RMDN2: variants seen among roughly 807,000 people sequenced by gnomAD.
RMDN2 encodes the protein regulator of microtubule dynamics 2.
A neutral mutation model predicts 52.8 loss-of-function variants in RMDN2; 61 were observed. That is an observed-to-expected ratio of 1.16 (90% CI 0.94 to 1.43). The LOEUF (loss-of-function observed/expected upper bound fraction) is 1.43. Ranked by LOEUF, RMDN2 falls within the 40% of genes most tolerant of loss-of-function variation. RMDN2 has a pLI of 0.00. For missense variants in RMDN2, 592 were observed against 475.3 expected (o/e 1.25, Z -2.28); for synonymous variants, 180 against 153.1 (o/e 1.18, Z -1.30).
At chr2:37,975,139 G>A (rs1208666297) in intron 3 of RMDN2, 73 bp from the exon 4 acceptor site, 1 of 846,858 alleles carries the variant, frequency 1.2e-6, no homozygotes, top group East Asian at 2.4e-5. Flanking sequence ...TTAAAAAGTT[G>A]CAGTAGAAAA....
At position 37,942,954 on chromosome 2, in the gene RMDN2, A is replaced by G. The variant is rs115880080; in HGVS notation, c.452+13225A>G. On this transcript the variant is annotated intron_variant, in intron 2 of 10. Transcript: ENST00000354545. Reference sequence around the variant, plus strand: ...AACCCTAACGGCCAAGAAAAAAGCAATAAGTGCCAAGCACCTTTCCATCCT... The same window carrying G: ...AACCCTAACGGCCAAGAAAAAAGCAGTAAGTGCCAAGCACCTTTCCATCCT... 6.2e-3 allele frequency among the ~76,000 whole-genome samples: 938 copies of G among 152,354 alleles called. 12 individuals carry two copies. Among genetic ancestry groups the G allele is most frequent in the African/African-American group, 0.021 (862 of 41,582 alleles).
intron 2 of RMDN2, among the ~76,000 whole-genome samples, chr2:37,935,758 ATTTT>A (rs915050112): frequency 4.1e-4 from 62 of 152,162 alleles, no homozygotes; most frequent in African/African-American, 1.5e-3. Flanking sequence ...TTTGCAATAA[ATTTT>A]TTTGAGTTTT....
intron 2 of RMDN2, among the ~76,000 whole-genome samples, chr2:37,970,290 A>T (rs1012796077): frequency 1.2e-4 from 19 of 152,114 alleles, no homozygotes; most frequent in Admixed American, 5.2e-4. Context: ...GGAAAAAAAA[A>T]TTTTTTTGGT....
Position 37,952,109 on chromosome 2 carries a change from C to T in RMDN2, c.453-21931C>T, listed in dbSNP as rs374388719. 3.8e-5 allele frequency: 61 copies of T among 1,613,016 alleles called. No individual in the cohort carries two copies. In the African/African-American group the frequency reaches 4.0e-4, roughly 11 times the overall value. On this transcript the variant is annotated intron_variant, in intron 2 of 10. Coordinates refer to ENST00000354545, the MANE Select transcript of RMDN2 (RefSeq NM_001170791.3). The stretch of plus-strand genomic sequence containing the variant: ...CTGGTTGCTTTATCCCACCTCAAAG[C>T]GAATTAACTTCAGGCCTGTTTGAAG...
chr2:38,030,282 C>T (rs1168687761), intron 10 of RMDN2: 1 of 152,162 alleles, frequency 6.6e-6, no homozygotes, highest in East Asian at 1.9e-4. Flanking sequence ...AAGTACAGAC[C>T]ACATATGAAG....
chr2:38,040,347 A>G (rs1378366127), intron 10 of RMDN2, among the ~76,000 whole-genome samples: 1 of 152,136 alleles, frequency 6.6e-6, no homozygotes, highest in Admixed American at 6.5e-5. Context: ...TTAATGCCCG[A>G]TATGATGGTA....
At chr2:38,060,401 C>T (rs1682001297) in intron 10 of RMDN2, among the ~76,000 whole-genome samples, 1 of 152,212 alleles carries the variant, frequency 6.6e-6, no homozygotes, top group African/African-American at 2.4e-5. Context: ...TAACCTTATT[C>T]TTCCACCGCT....
rs1463008722 is a variant in RMDN2, at chr2:38,005,302, G to T, written c.1179+1086G>T. Among the ~76,000 whole-genome samples the T allele has an allele frequency of 2.6e-5, 4 of 152,240 alleles. No individual in the cohort carries two copies. The East Asian group carries it at 7.7e-4, about 29-fold the overall frequency. ...ACTGACTTGCACAACGGTTGAACTAGTTTACAGTCCCACCAACAGTGTAAA... is the reference window on the plus strand; with the variant it reads ...ACTGACTTGCACAACGGTTGAACTATTTTACAGTCCCACCAACAGTGTAAA... On this transcript the variant is annotated intron_variant, in intron 10 of 10. Transcript: ENST00000354545.
At chr2:38,030,990 A>T (rs569004106) in intron 10 of RMDN2, among the ~76,000 whole-genome samples, 73 of 152,196 alleles carry the variant, frequency 4.8e-4, no homozygotes, top group African/African-American at 1.7e-3. Context: ...AAAAAAAAAG[A>T]CTTCTTGAAA....
intron 10 of RMDN2, among the ~76,000 whole-genome samples, chr2:38,050,676 G>A (rs1346376171): frequency 6.6e-6 from 1 of 152,176 alleles, no homozygotes. Context: ...AATTCTGCAC[G>A]AACTTCCACA....
At chr2:37,936,993 C>T (rs1360302887) in intron 2 of RMDN2, among the ~76,000 whole-genome samples, 1 of 152,144 alleles carries the variant, frequency 6.6e-6, no homozygotes, top group African/African-American at 2.4e-5. Flanking sequence ...AATGATATTG[C>T]CCAGGTTTTC....
At chr2:37,944,032 G>C (rs1412083595) in intron 2 of RMDN2, among the ~76,000 whole-genome samples, 1 of 152,050 alleles carries the variant, frequency 6.6e-6, no homozygotes, top group Non-Finnish European at 1.5e-5. Flanking sequence ...ACAGATTTAG[G>C]CTTGTCATTT....
At chr2:37,961,190 A>G (rs1003398073) in intron 2 of RMDN2, among the ~76,000 whole-genome samples, 2 of 151,976 alleles carry the variant, frequency 1.3e-5, no homozygotes, top group African/African-American at 4.8e-5. Flanking sequence ...CTCGAGGAGT[A>G]TCTTTGTGGT....
chr2:37,981,722 G>A (rs1469706736), intron 5 of RMDN2, among the ~76,000 whole-genome samples: 4 of 151,950 alleles, frequency 2.6e-5, no homozygotes, highest in South Asian at 2.1e-4. Context: ...TTGATGCATC[G>A]TAATATACAA....
chr2:37,969,782 T>G (rs1671549314), intron 2 of RMDN2, among the ~76,000 whole-genome samples: 2 of 130,144 alleles, frequency 1.5e-5, no homozygotes, highest in African/African-American at 4.9e-5. Flanking sequence ...CATAATTAAG[T>G]GTGAAATGTA....
chr2:38,036,016 G>C (rs912651179), intron 10 of RMDN2: 1 of 151,694 alleles, frequency 6.6e-6, no homozygotes, highest in Non-Finnish European at 1.5e-5. Flanking sequence ...CAGGAAAAAC[G>C]AGGGCAAGTA....
At chr2:37,940,828 G>A (rs1667720065) in intron 2 of RMDN2, among the ~76,000 whole-genome samples, 2 of 152,104 alleles carry the variant, frequency 1.3e-5, no homozygotes, top group Admixed American at 6.5e-5. Flanking sequence ...CTTGCATTGG[G>A]TTAAAGCTTG....
At chr2:37,968,438 CAAAAAAAAAAA>C (rs71400332) in intron 2 of RMDN2, among the ~76,000 whole-genome samples, 4 of 89,158 alleles carry the variant, frequency 4.5e-5, no homozygotes, top group Non-Finnish European at 6.4e-5. Context: ...GACTCTGTCT[CAAAAAAAAAAA>C]AAAAAAAAAA....
At chr2:37,943,701 G>A (rs893406377) in intron 2 of RMDN2, among the ~76,000 whole-genome samples, 9 of 151,994 alleles carry the variant, frequency 5.9e-5, no homozygotes, top group Admixed American at 1.3e-4. Context: ...CCTTCATTGC[G>A]CTCCATTCTA....
Sources: gnomAD v4.1 joint callset for allele counts (sites outside exome capture counted in the v4.1 genomes callset) on GRCh38, gnomAD v4.1.1 for gene constraint, MANE v1.5 for transcripts, NCBI Gene and HGNC (gene_info 2026-07-23, HGNC 2026-07-21) for gene names.